CLCA4: variants seen among roughly 807,000 people sequenced by gnomAD.
CLCA4 encodes calcium-activated chloride channel regulator 4.
In CLCA4, 69 loss-of-function variants were observed where a neutral mutation model predicts 78.9. That is an observed-to-expected ratio of 0.87 (90% CI 0.72 to 1.07). CLCA4 has a LOEUF of 1.07. Ranked by LOEUF, CLCA4 falls within the 50% of genes least tolerant of loss-of-function variation. The pLI is 0.00. For synonymous variants in CLCA4, 362 were observed against 375.8 expected, an observed-to-expected ratio of 0.96 and a Z score of 0.42; for missense variants, 1,133 against 1,095.8, an observed-to-expected ratio of 1.03 and a Z score of -0.48.
chr1:86,571,314 C>T, intron 8 of CLCA4, 60 bp downstream of exon 8: 1 of 1,483,780 alleles, frequency 6.7e-7, no homozygotes, highest in Non-Finnish European at 9.2e-7. Context: ...TAAAGGCTGA[C>T]AGTTCAACAA....
rs1247058999 is a variant in CLCA4 at position 86,580,244 on chromosome 1, C to G, written c.2659C>G (p.Pro887Ala). ...PTPTPTPTPTPDKSHNSGVNI... is the reference protein window; with the variant it reads ...PTPTPTPTPTADKSHNSGVNI... ...ACCTACTCCTACTCCTACTCCTACT[C>G]CTGATAAAAGTCATAATTCTGGAGT... The change falls in exon 14 of 14, where the codon CCT becomes GCT. Residue 887 changes from proline (P) to alanine (A), a missense_variant. Transcript: ENST00000370563. 6.2e-7 allele frequency: 1 copy of G among 1,608,686 alleles called. No individual in the cohort carries two copies. The highest frequency in any genetic ancestry group is 8.5e-7 in the Non-Finnish European group (1 of 1,177,906).
chr1:86,579,739 G>T, intron 13 of CLCA4, 152 bp downstream of exon 13: 1 of 728,714 alleles, frequency 1.4e-6, no homozygotes. Flanking sequence ...TCAATCAAAT[G>T]ACACATTTTA....
intron 1 of CLCA4, among the ~76,000 whole-genome samples, chr1:86,548,984 G>A (rs1052564505): frequency 5.9e-5 from 9 of 152,162 alleles, no homozygotes; most frequent in African/African-American, 1.9e-4. Context: ...TTTGTTGAAT[G>A]TTTATGACAT....
At chr1:86,558,312 G>C (rs1649909915) in intron 1 of CLCA4, among the ~76,000 whole-genome samples, 1 of 152,134 alleles carries the variant, frequency 6.6e-6, no homozygotes, top group South Asian at 2.1e-4. Flanking sequence ...ACACTGGTCT[G>C]TGTGTCTAAG....
intron 1 of CLCA4, among the ~76,000 whole-genome samples, chr1:86,558,681 C>T (rs564125863): frequency 1.8e-4 from 28 of 152,184 alleles, no homozygotes; most frequent in African/African-American, 5.8e-4. Flanking sequence ...GTATGAGAGC[C>T]GAGCTAAGGG....
chr1:86,579,440 G>A lies in CLCA4; in HGVS notation c.2209G>A (p.Gly737Ser), dbSNP rs372976679. The change falls in exon 13 of 14, where the codon GGT (glycine) becomes AGT (serine). Residue 737 changes from glycine (G) to serine (S), a missense_variant. Physicochemically the swap from Gly to Ser is moderately conservative, Grantham distance 56. Transcript: ENST00000370563. The part of the protein sequence containing the change: ...LEDFSRTASG[G>S]AFVVSQVPSL... ...GGATTTCAGCCGAACAGCATCCGGA[G>A]GTGCATTTGTGGTATCACAAGTCCC... 11 of 1,613,158 alleles carry A rather than the reference G, an allele frequency of 6.8e-6. No individual in the cohort carries two copies. In the Admixed American group the frequency reaches 1.0e-4, roughly 15 times the overall value.
chr1:86,565,448 T>C lies in CLCA4; in HGVS notation c.732T>C (p.Asp244=). The stretch of plus-strand genomic sequence containing the variant: ...CCATAATGTTTATGCAAAGTATTGA[T>C]TCTGTAAGTATGCTGATAATTGCTT... ...KASIMFMQSI[D]SVVEFCNEKT... The change falls in exon 5 of 14, where the codon GAT becomes GAC. Residue 244 remains aspartate, a synonymous_variant. Coordinates refer to ENST00000370563, the MANE Select transcript of CLCA4 (RefSeq NM_012128.4). 6.3e-7 allele frequency: 1 copy of C among 1,577,246 alleles called. No homozygotes were observed. The highest frequency in any genetic ancestry group is 1.2e-5 in the South Asian group (1 of 85,364).
rs779621917 is a variant in CLCA4 at position 86,565,414 on chromosome 1, A to G, written c.698A>G (p.Glu233Gly). 3.1e-6 allele frequency: 5 copies of G among 1,604,612 alleles called. No homozygotes were observed. The highest frequency in any genetic ancestry group is 3.4e-6 in the Non-Finnish European group (4 of 1,175,182). The change falls in exon 5 of 14, where the codon GAA (glutamate) becomes GGA (glycine). Residue 233 changes from glutamate (E) to glycine (G), a missense_variant. Physicochemically the swap from Glu to Gly is moderately conservative, Grantham distance 98. Transcript: ENST00000370563. ...CQFFPDKVQT[E>G]KASIMFMQSI... ...TTCTTTCCTGATAAAGTACAAACAG[A>G]AAAAGCATCCATAATGTTTATGCAA... is the stretch of plus-strand genomic sequence containing the variant.
intron 9 of CLCA4, among the ~76,000 whole-genome samples, chr1:86,573,540 A>T (rs1189873799): frequency 6.6e-6 from 1 of 152,028 alleles, no homozygotes; most frequent in African/African-American, 2.4e-5. Context: ...CATGATCCCT[A>T]AACAAATCTA....
At chr1:86,569,188 G>A (rs906317961) in intron 7 of CLCA4, among the ~76,000 whole-genome samples, 1 of 151,978 alleles carries the variant, frequency 6.6e-6, no homozygotes, top group African/African-American at 2.4e-5. Flanking sequence ...ACAGGGAAAG[G>A]AGAACTACTT....
intron 3 of CLCA4, 128 bp downstream of exon 3, chr1:86,560,486 T>A: frequency 1.1e-6 from 1 of 876,470 alleles, no homozygotes; most frequent in Non-Finnish European, 1.7e-6. Flanking sequence ...TTACTAGCTG[T>A]ATGTGACCTT....
chr1:86,575,846 T>G (rs1371533834), intron 11 of CLCA4, among the ~76,000 whole-genome samples: 1 of 152,050 alleles, frequency 6.6e-6, no homozygotes, highest in East Asian at 1.9e-4. Flanking sequence ...ATCCTAGCAC[T>G]TCGGGAGGCC....
chr1:86,574,621 A>G lies in CLCA4; in HGVS notation c.1549A>G (p.Thr517Ala). The G allele has an allele frequency of 6.2e-7, 1 of 1,612,554 alleles. No individual in the cohort carries two copies. Among genetic ancestry groups the G allele is most frequent in the Non-Finnish European group, 8.5e-7 (1 of 1,178,820 alleles). ...VIIDSTVGKD[T>A]FFLITWNSLP... ...AATTGATAGTACAGTGGGAAAGGAC[A>G]CGTTCTTTCTCATCACATGGAACAG... is the stretch of plus-strand genomic sequence containing the variant. The change falls in exon 10 of 14, where the codon ACG becomes GCG. Residue 517 changes from threonine (T) to alanine (A), a missense_variant. Physicochemically the swap from Thr to Ala is moderately conservative, Grantham distance 58. Transcript: ENST00000370563.
chr1:86,569,861 C>T (rs187846275), intron 7 of CLCA4, among the ~76,000 whole-genome samples: 14 of 152,006 alleles, frequency 9.2e-5, no homozygotes, highest in South Asian at 4.1e-4. Context: ...ATCCCCAGCA[C>T]GGTGACTGGC....
In CLCA4 at chr1:86,570,757, G is replaced by A. The variant is rs1021900654; in HGVS notation, c.1183-320G>A. Among the ~76,000 whole-genome samples, 5 of 151,494 alleles carry A rather than the reference G, an allele frequency of 3.3e-5. No homozygotes were observed. The South Asian group carries it at 1.0e-3, about 31-fold the overall frequency. ...ATAACACTAATTAATGTCACATACT[G>A]TGATTATACCTTTGGTATCTGGTTG... On this transcript the variant is annotated intron_variant, in intron 7 of 13. Coordinates refer to ENST00000370563, the MANE Select transcript of CLCA4 (RefSeq NM_012128.4).
intron 1 of CLCA4, among the ~76,000 whole-genome samples, chr1:86,554,463 C>A (rs1032168104): frequency 1.3e-5 from 2 of 152,116 alleles, no homozygotes; most frequent in Admixed American, 1.3e-4. Context: ...TGGGGTTTCA[C>A]CATGTTGCAC....
At chr1:86,571,526 A>G in intron 8 of CLCA4, 1 of 256,978 alleles carries the variant, frequency 3.9e-6, no homozygotes, top group East Asian at 7.0e-5. Context: ...TAGTTTTACT[A>G]GAGTTGTATA....
At chr1:86,565,484 T>A in intron 5 of CLCA4, 33 bp downstream of exon 5, 1 of 1,462,078 alleles carries the variant, frequency 6.8e-7, no homozygotes, top group Non-Finnish European at 9.4e-7. Context: ...CCAGAATTTA[T>A]AATCAAATGA....
intron 1 of CLCA4, chr1:86,553,091 C>A: frequency 2.8e-6 from 2 of 715,280 alleles, no homozygotes; most frequent in Non-Finnish European, 4.9e-6. Flanking sequence ...GCCCACCCTG[C>A]AGCCTGGGGT....
Sources: gnomAD v4.1 joint callset for allele counts (sites outside exome capture counted in the v4.1 genomes callset) on GRCh38, gnomAD v4.1.1 for gene constraint, MANE v1.5 for transcripts, NCBI Gene and HGNC (gene_info 2026-07-23, HGNC 2026-07-21) for gene names.